USH2A: variants seen among roughly 807,000 people sequenced by gnomAD.
The protein encoded by USH2A is usherin.
Under a neutral mutation model 538.9 loss-of-function variants are expected in USH2A, and 443 were observed. The observed-to-expected ratio is 0.82, with a 90% CI of 0.76 to 0.89. The LOEUF is 0.89. USH2A is among the 40% of genes least tolerant of loss of function. The pLI is 0.00. For missense variants in USH2A, 6,633 were observed against 6,324.8 expected, an observed-to-expected ratio of 1.05 and a Z score of -1.65; for synonymous variants, 2,413 against 2,273.5, an observed-to-expected ratio of 1.06 and a Z score of -1.75.
In USH2A at chr1:215,743,414, G is replaced by GTCTA. The variant is rs1416125197; in HGVS notation, c.11390-80_11390-79insTAGA. ...TGTGTGTGTGTGTGTGTGTGTGTGTGTGTATATATATATAGACACACATAT... is the reference window on the plus strand; with the variant it reads ...TGTGTGTGTGTGTGTGTGTGTGTGTGTCTATGTATATATATATAGACACACATAT... On this transcript the variant is annotated intron_variant, in intron 58 of 71. Transcript: ENST00000307340. 5.6e-4 allele frequency: 221 copies of GTCTA among 392,828 alleles called. 2 individuals carry two copies. Among genetic ancestry groups the GTCTA allele is most frequent in the Non-Finnish European group, 7.1e-4 (175 of 247,978 alleles). 24.3% of individuals were successfully genotyped at this position (392,828 alleles called of 1,614,324 possible).
At chr1:216,128,467 A>T (rs1428358651) in intron 21 of USH2A, among the ~76,000 whole-genome samples, 1 of 152,118 alleles carries the variant, frequency 6.6e-6, no homozygotes, top group Non-Finnish European at 1.5e-5. Context: ...AATGCCTTTC[A>T]TATGATTACC....
chr1:216,246,557 C>G (rs1220955040), intron 13 of USH2A, 28 bp downstream of exon 13: 4 of 1,613,790 alleles, frequency 2.5e-6, no homozygotes, highest in Non-Finnish European at 3.4e-6. Flanking sequence ...TCATTGTGCA[C>G]TGAAAATGTA....
intron 70 of USH2A, among the ~76,000 whole-genome samples, chr1:215,631,249 G>GTGTGTGTGTGTGT (rs1558030008): frequency 6.9e-6 from 1 of 144,588 alleles, no homozygotes; most frequent in African/African-American, 2.8e-5. Context: ...TGTGTGTGTG[G>GTGTGTGTGTGTGT]GTGGGTGTTG....
chr1:215,810,628 C>T (rs996503722), intron 49 of USH2A, among the ~76,000 whole-genome samples: 2 of 152,130 alleles, frequency 1.3e-5, no homozygotes, highest in African/African-American at 2.4e-5. Flanking sequence ...CAACACAAAA[C>T]GTCCATCTGA....
intron 69 of USH2A, among the ~76,000 whole-genome samples, chr1:215,635,151 T>G (rs1328094332): frequency 1.3e-5 from 2 of 152,224 alleles, no homozygotes; most frequent in Non-Finnish European, 2.9e-5. Context: ...CTTGGAGATC[T>G]GAGGTGTACT....
chr1:216,127,186 T>C (rs1190465617), intron 21 of USH2A, among the ~76,000 whole-genome samples: 1 of 152,208 alleles, frequency 6.6e-6, no homozygotes, highest in Non-Finnish European at 1.5e-5. Flanking sequence ...CAAAGCAATA[T>C]ACAAGTAGGA....
intron 13 of USH2A, among the ~76,000 whole-genome samples, chr1:216,238,400 G>A (rs2035871460): frequency 6.6e-6 from 1 of 152,066 alleles, no homozygotes; most frequent in Non-Finnish European, 1.5e-5. Flanking sequence ...AACATTATAA[G>A]GTCATCCAGC....
intron 12 of USH2A, among the ~76,000 whole-genome samples, chr1:216,248,020 A>T (rs2036086708): frequency 6.6e-6 from 1 of 152,122 alleles, no homozygotes; most frequent in Non-Finnish European, 1.5e-5. Flanking sequence ...TATAAATAAA[A>T]CTTATCCAGG....
intron 41 of USH2A, among the ~76,000 whole-genome samples, chr1:215,880,361 T>C (rs934725785): frequency 6.6e-6 from 1 of 152,202 alleles, no homozygotes; most frequent in African/African-American, 2.4e-5. Context: ...GGACAATTGC[T>C]TGATGATTAC....
intron 18 of USH2A, among the ~76,000 whole-genome samples, chr1:216,197,393 G>C (rs185490673): frequency 1.3e-3 from 193 of 152,264 alleles, no homozygotes; most frequent in African/African-American, 4.5e-3. Context: ...CGAGGGACCA[G>C]TATTGCAGTT....
intron 26 of USH2A, 67 bp downstream of exon 26, chr1:216,083,389 A>G (rs2032013939): frequency 3.2e-6 from 5 of 1,541,592 alleles, no homozygotes; most frequent in East Asian, 2.3e-5. Context: ...ATGCCAACAC[A>G]TGGTTTATTT....
At chr1:215,945,915 A>G (rs1398319612) in intron 37 of USH2A, among the ~76,000 whole-genome samples, 1 of 152,180 alleles carries the variant, frequency 6.6e-6, no homozygotes, top group African/African-American at 2.4e-5. Context: ...GAACAAAATA[A>G]ATCCTTTTGT....
At chr1:216,188,413 C>G (rs2034650208) in intron 20 of USH2A, among the ~76,000 whole-genome samples, 1 of 151,594 alleles carries the variant, frequency 6.6e-6, no homozygotes, top group Non-Finnish European at 1.5e-5. Context: ...AAGAATTATA[C>G]TAATAACAGC....
chr1:216,190,542 A>C (rs2102655436), intron 19 of USH2A, among the ~76,000 whole-genome samples, 175 bp from the exon 20 acceptor site: 1 of 151,718 alleles, frequency 6.6e-6, no homozygotes, highest in East Asian at 1.9e-4. Flanking sequence ...CCAGGATTTA[A>C]TTGATTATTG....
chr1:216,040,139 G>A (rs2030209960), intron 32 of USH2A, among the ~76,000 whole-genome samples: 2 of 151,538 alleles, frequency 1.3e-5, no homozygotes, highest in African/African-American at 4.8e-5. Flanking sequence ...CTCAGTCTTA[G>A]TGATAGAAAT....
intron 32 of USH2A, among the ~76,000 whole-genome samples, chr1:216,012,941 A>G (rs1333190666): frequency 1.3e-5 from 2 of 152,066 alleles, no homozygotes; most frequent in Non-Finnish European, 2.9e-5. Flanking sequence ...ACCGTTCTCA[A>G]CTACTCATAC....
Position 216,418,632 on chromosome 1 carries a change from G to GT in USH2A, c.532dup (p.Thr178AsnfsTer4), listed in dbSNP as rs1571801788. Reference sequence around the variant, plus strand: ...AAACATGGTCTCTTTCTCAGATATTGTAAGTTTGAACACAATCTGCCCATC... The same window carrying GT: ...AAACATGGTCTCTTTCTCAGATATTGTTAAGTTTGAACACAATCTGCCCATC... On this transcript the variant is annotated frameshift_variant, in exon 3 of 72. Coordinates refer to ENST00000307340, the MANE Select transcript of USH2A (RefSeq NM_206933.4). LOFTEE classifies it high-confidence loss of function. 6.2e-7 allele frequency: 1 copy of GT among 1,613,222 alleles called. No individual in the cohort carries two copies. The highest frequency in any genetic ancestry group is 8.5e-7 in the Non-Finnish European group (1 of 1,179,528).
At chr1:215,677,282 T>C (rs762817818) in intron 62 of USH2A, among the ~76,000 whole-genome samples, 2 of 152,200 alleles carry the variant, frequency 1.3e-5, no homozygotes, top group Non-Finnish European at 2.9e-5. Flanking sequence ...AAGACTTCAC[T>C]ACTGCCGTTA....
chr1:215,836,563 A>ATTTTTT (rs1228939513), intron 47 of USH2A, among the ~76,000 whole-genome samples: 1 of 29,492 alleles, frequency 3.4e-5, no homozygotes, highest in African/African-American at 1.1e-4. Context: ...ATATATATAT[A>ATTTTTT]TATTTTTTTT....
Sources: allele counts gnomAD v4.1 joint callset (sites outside exome capture counted in the v4.1 genomes callset), GRCh38; gene constraint gnomAD v4.1.1; transcripts MANE v1.5; gene names NCBI Gene and HGNC (gene_info 2026-07-23, HGNC 2026-07-21).